LOC128462377: variants seen among roughly 807,000 people sequenced by gnomAD.
At chr16:89,318,859 G>A in the LOC128462377 span, among the ~76,000 whole-genome samples, 1 of 152,196 alleles carries the variant, frequency 6.6e-6, no homozygotes, top group African/African-American at 2.4e-5. Context: ...AGGTGAGCAG[G>A]TGTTTCCATC....
At chr16:89,359,117 A>G in the LOC128462377 span, among the ~76,000 whole-genome samples, 1 of 152,196 alleles carries the variant, frequency 6.6e-6, no homozygotes, top group Non-Finnish European at 1.5e-5. Context: ...TATATAAAAC[A>G]TCATTGTCAC....
At chr16:89,385,067 G>A in the LOC128462377 span, among the ~76,000 whole-genome samples, 2 of 151,666 alleles carry the variant, frequency 1.3e-5, no homozygotes, top group African/African-American at 4.8e-5. Flanking sequence ...TGTATTTTTA[G>A]TAGAGACGAT....
At chr16:89,414,816 C>G in the LOC128462377 span, among the ~76,000 whole-genome samples, 1 of 152,230 alleles carries the variant, frequency 6.6e-6, no homozygotes, top group Non-Finnish European at 1.5e-5. Context: ...GAGAAGAGCA[C>G]AGCACCGTGT....
chr16:89,377,708 A>G, the LOC128462377 span, among the ~76,000 whole-genome samples: 34 of 152,242 alleles, frequency 2.2e-4, no homozygotes, highest in Non-Finnish European at 4.6e-4. Context: ...CTTCTTGTAC[A>G]ACACACACCT....
chr16:89,401,074 T>C, the LOC128462377 span, among the ~76,000 whole-genome samples: 11 of 151,766 alleles, frequency 7.2e-5, no homozygotes, highest in African/African-American at 2.4e-4. Flanking sequence ...AGTAATGTTA[T>C]ATATTTCTCT....
chr16:89,413,573 C>T, the LOC128462377 span, among the ~76,000 whole-genome samples: 4 of 152,034 alleles, frequency 2.6e-5, no homozygotes, highest in East Asian at 1.9e-4. Context: ...TGCAGTGAGC[C>T]GAGGTCGCAC....
chr16:89,321,311 C>T, the LOC128462377 span: 4 of 152,340 alleles, frequency 2.6e-5, no homozygotes, highest in African/African-American at 9.7e-5. Context: ...GAATCCGGCG[C>T]TGCCTCTCCC....
the LOC128462377 span, among the ~76,000 whole-genome samples, chr16:89,369,042 C>G: frequency 9.2e-5 from 14 of 152,246 alleles, no homozygotes; most frequent in African/African-American, 3.4e-4. Context: ...AGACCCCCCA[C>G]TGGCACCCAT....
the LOC128462377 span, among the ~76,000 whole-genome samples, chr16:89,349,134 T>TAAA: frequency 2.8e-3 from 46 of 16,568 alleles, 3 homozygotes; most frequent in South Asian, 7.2e-3. Flanking sequence ...TCTCAAAAAG[T>TAAA]AAAAAAAAAA....
chr16:89,329,628 T>TA, the LOC128462377 span, among the ~76,000 whole-genome samples: 1 of 151,982 alleles, frequency 6.6e-6, no homozygotes, highest in African/African-American at 2.4e-5. Context: ...AGGAATAAAG[T>TA]AAAAAAACAG....
chr16:89,387,692 G>GAA, the LOC128462377 span, among the ~76,000 whole-genome samples: 10 of 67,502 alleles, frequency 1.5e-4, no homozygotes, highest in Middle Eastern at 0.02. Context: ...AAAAGAAAAA[G>GAA]AAAAAAAAAA....
chr16:89,402,375 A>G, the LOC128462377 span, among the ~76,000 whole-genome samples: 2 of 152,272 alleles, frequency 1.3e-5, no homozygotes, highest in South Asian at 4.2e-4. Flanking sequence ...TTGAGCGCTT[A>G]TTTAAATCGG....
At chr16:89,377,828 C>A in the LOC128462377 span, among the ~76,000 whole-genome samples, 1 of 152,046 alleles carries the variant, frequency 6.6e-6, no homozygotes, top group East Asian at 1.9e-4. Flanking sequence ...ACCAAATGCG[C>A]CTGCCTCTCC....
At chr16:89,418,098 A>G in the LOC128462377 span, among the ~76,000 whole-genome samples, 23 of 152,378 alleles carry the variant, frequency 1.5e-4, no homozygotes, top group African/African-American at 5.5e-4. Context: ...CATTAATCCA[A>G]AAATGCTTAC....
chr16:89,401,661 A>G, the LOC128462377 span, among the ~76,000 whole-genome samples: 1 of 152,134 alleles, frequency 6.6e-6, no homozygotes, highest in East Asian at 1.9e-4. Context: ...AACACCACAG[A>G]CGATGGCCTT....
chr16:89,369,294 C>T, the LOC128462377 span, among the ~76,000 whole-genome samples: 5 of 152,238 alleles, frequency 3.3e-5, no homozygotes, highest in African/African-American at 1.2e-4. Flanking sequence ...CTCCACGACA[C>T]TCGCAGGTCT....
the LOC128462377 span, among the ~76,000 whole-genome samples, chr16:89,360,285 T>C: frequency 6.6e-6 from 1 of 152,224 alleles, no homozygotes; most frequent in Non-Finnish European, 1.5e-5. Flanking sequence ...GTATTAGGGA[T>C]GGGGCTTCAC....
the LOC128462377 span, among the ~76,000 whole-genome samples, chr16:89,370,944 C>G: frequency 6.6e-6 from 1 of 152,154 alleles, no homozygotes; most frequent in Non-Finnish European, 1.5e-5. Context: ...GCCCAAGAAC[C>G]AAGCCCTGCG....
At chr16:89,348,898 C>T in the LOC128462377 span, among the ~76,000 whole-genome samples, 1 of 149,744 alleles carries the variant, frequency 6.7e-6, no homozygotes, top group African/African-American at 2.4e-5. Flanking sequence ...AACACCCAGC[C>T]GGGCATATCA....
Sources: gnomAD v4.1 joint callset for allele counts (sites outside exome capture counted in the v4.1 genomes callset) on GRCh38, gnomAD v4.1.1 for gene constraint, MANE v1.5 for transcripts.